Variants in SLC27A2 observed in about 807,000 individuals in gnomAD.
SLC27A2 encodes the protein solute carrier family 27 member 2, also known as long-chain fatty acid transport protein 2.
A neutral mutation model predicts 60.0 loss-of-function variants in SLC27A2; 54 were observed. The ratio of observed to expected loss-of-function variants is 0.90; its 90% CI spans 0.72 to 1.13. The LOEUF (loss-of-function observed/expected upper bound fraction) is 1.13. Among genes scored for constraint, SLC27A2 ranks in the 50% most tolerant of loss-of-function variants. SLC27A2 has a pLI of 0.00. For synonymous variants in SLC27A2, 297 were observed against 297.6 expected (o/e 1.00, Z 0.02); for missense variants, 739 against 777.6 (o/e 0.95, Z 0.59).
chr15:50,213,460 C>T (rs1273698639), intron 4 of SLC27A2, among the ~76,000 whole-genome samples: 3 of 152,156 alleles, frequency 2.0e-5, no homozygotes, highest in South Asian at 4.1e-4. Flanking sequence ...ATGGACTTAA[C>T]AGATATATAC....
At chr15:50,203,230 C>T (rs1483461072) in intron 3 of SLC27A2, among the ~76,000 whole-genome samples, 1 of 152,030 alleles carries the variant, frequency 6.6e-6, no homozygotes. Context: ...GTCTTAGATT[C>T]TATGTCATGT....
intron 4 of SLC27A2, among the ~76,000 whole-genome samples, chr15:50,210,458 G>C (rs1383557440): frequency 6.6e-6 from 1 of 152,204 alleles, no homozygotes; most frequent in African/African-American, 2.4e-5. Context: ...AAAATACAAA[G>C]GTAGAGGAAG....
chr15:50,227,617 C>A (rs2045287336), intron 7 of SLC27A2, among the ~76,000 whole-genome samples: 2 of 152,226 alleles, frequency 1.3e-5, no homozygotes, highest in East Asian at 3.9e-4. Context: ...TCATCCCCAA[C>A]CAGATGGTTT....
At chr15:50,192,960 C>T (rs780197188) in intron 1 of SLC27A2, among the ~76,000 whole-genome samples, 175 of 152,264 alleles carry the variant, frequency 1.1e-3, no homozygotes, top group Non-Finnish European at 1.7e-3. Context: ...TCACTTCTCT[C>T]TACCCACACT....
chr15:50,189,498 C>T (rs781744491), intron 1 of SLC27A2, among the ~76,000 whole-genome samples: 1 of 152,196 alleles, frequency 6.6e-6, no homozygotes, highest in Non-Finnish European at 1.5e-5. Flanking sequence ...GGAAAGATAG[C>T]TTAAAGATAT....
At chr15:50,192,160 G>A (rs138306536) in intron 1 of SLC27A2, among the ~76,000 whole-genome samples, 14 of 152,112 alleles carry the variant, frequency 9.2e-5, no homozygotes, top group African/African-American at 3.4e-4. Context: ...TAGTTGACAG[G>A]TAGATTCACA....
Position 50,194,518 on chromosome 15 carries a change from G to A in SLC27A2, c.479-2982G>A, listed in dbSNP as rs150594755. 6.0e-3 allele frequency among the ~76,000 whole-genome samples: 914 copies of A among 152,310 alleles called. 11 individuals carry two copies. The highest frequency in any genetic ancestry group is 0.021 in the African/African-American group (891 of 41,550). Reference sequence around the variant, plus strand: ...CCTCCGGTCCTCCCGAATAAGGAGAGTGGATTCTATCACAAGGAATGAACA... The same window carrying A: ...CCTCCGGTCCTCCCGAATAAGGAGAATGGATTCTATCACAAGGAATGAACA... On this transcript the variant is annotated intron_variant, in intron 1 of 9. Transcript: ENST00000267842.
intron 1 of SLC27A2, among the ~76,000 whole-genome samples, chr15:50,193,588 G>A (rs1033510591): frequency 7.2e-5 from 11 of 152,162 alleles, no homozygotes; most frequent in Non-Finnish European, 1.5e-5. Flanking sequence ...ATTTGCCTCT[G>A]TGGGCCCTTA....
intron 1 of SLC27A2, among the ~76,000 whole-genome samples, chr15:50,189,284 ACT>A (rs2044953818): frequency 6.6e-6 from 1 of 152,020 alleles, no homozygotes; most frequent in African/African-American, 2.4e-5. Flanking sequence ...CTAATCAATG[ACT>A]CTGTCCAGCT....
chr15:50,213,909 A>C (rs2045175970), intron 4 of SLC27A2, among the ~76,000 whole-genome samples: 1 of 152,128 alleles, frequency 6.6e-6, no homozygotes, highest in South Asian at 2.1e-4. Context: ...AAACTAGAGA[A>C]ACAAGAACAA....
At chr15:50,230,764 C>A (rs1005293507) in intron 8 of SLC27A2, among the ~76,000 whole-genome samples, 1 of 152,124 alleles carries the variant, frequency 6.6e-6, no homozygotes, top group Non-Finnish European at 1.5e-5. Context: ...CTCTTGCAGA[C>A]CCTTCCTCAA....
chr15:50,210,162 T>G lies in SLC27A2; in HGVS notation c.972+4799T>G, dbSNP rs2045143697. ...TGGCGAGCGGGAGGCAGGACTAGAT[T>G]GTGGCTCCAGACAGAGCAGCATGAG... On this transcript the variant is annotated intron_variant, in intron 4 of 9. Coordinates refer to ENST00000267842, the MANE Select transcript of SLC27A2 (RefSeq NM_003645.4). Among the ~76,000 whole-genome samples the G allele has an allele frequency of 2.0e-5, 3 of 152,142 alleles. No individual in the cohort carries two copies. In the South Asian group the frequency reaches 6.2e-4, roughly 32 times the overall value.
rs1184782669 is a variant in SLC27A2 at position 50,196,669 on chromosome 15, C to T, written c.479-831C>T. 2.0e-5 allele frequency among the ~76,000 whole-genome samples: 3 copies of T among 152,220 alleles called. 1 individual carries two copies. The highest frequency in any genetic ancestry group is 3.9e-4 in the East Asian group (2 of 5,180). On this transcript the variant is annotated intron_variant, in intron 1 of 9. Coordinates refer to ENST00000267842, the MANE Select transcript of SLC27A2 (RefSeq NM_003645.4). ...AAGTATTTTTCATTTTTTTAAATAT[C>T]GCTCAGTTTAAATGATTTTAACAAT...
At chr15:50,185,231 A>G (rs1379061438) in intron 1 of SLC27A2, among the ~76,000 whole-genome samples, 3 of 152,198 alleles carry the variant, frequency 2.0e-5, no homozygotes, top group Non-Finnish European at 4.4e-5. Context: ...TCTGCCATAG[A>G]GCTATGTGTT....
At chr15:50,225,175 T>G (rs532163934) in intron 5 of SLC27A2, among the ~76,000 whole-genome samples, 7 of 152,276 alleles carry the variant, frequency 4.6e-5, no homozygotes, top group African/African-American at 1.4e-4. Context: ...AGCATATGAT[T>G]GTTTGCTTCA....
At chr15:50,233,244 T>C (rs1372075232) in intron 8 of SLC27A2, among the ~76,000 whole-genome samples, 1 of 152,186 alleles carries the variant, frequency 6.6e-6, no homozygotes, top group Non-Finnish European at 1.5e-5. Context: ...GAACCTTGAT[T>C]AGATAAGTAG....
At chr15:50,189,762 C>A (rs887388644) in intron 1 of SLC27A2, among the ~76,000 whole-genome samples, 1 of 152,108 alleles carries the variant, frequency 6.6e-6, no homozygotes, top group African/African-American at 2.4e-5. Flanking sequence ...CTTCCCACAG[C>A]CTCTGAGAAA....
intron 4 of SLC27A2, among the ~76,000 whole-genome samples, chr15:50,218,098 G>A (rs1482609744): frequency 7.2e-6 from 1 of 139,788 alleles, no homozygotes; most frequent in Non-Finnish European, 1.5e-5. Context: ...CGGGAGAAAT[G>A]TTTTTAATGT....
chr15:50,213,544 T>A (rs902144202), intron 4 of SLC27A2, among the ~76,000 whole-genome samples: 1 of 152,166 alleles, frequency 6.6e-6, no homozygotes, highest in African/African-American at 2.4e-5. Context: ...TTCACCAAGA[T>A]AGACCACATG....
Sources: allele counts gnomAD v4.1 joint callset (sites outside exome capture counted in the v4.1 genomes callset), GRCh38; gene constraint gnomAD v4.1.1; transcripts MANE v1.5; gene names NCBI Gene and HGNC (gene_info 2026-07-23, HGNC 2026-07-21).